The following TTC34 variants were observed in gnomAD, a reference collection of about 807,000 sequenced individuals.
The protein encoded by TTC34 is tetratricopeptide repeat domain 34.
TTC34 carries 44 observed loss-of-function variants against 40.7 expected under a neutral mutation model. The ratio of observed to expected loss-of-function variants is 1.08; its 90% CI spans 0.85 to 1.39. The LOEUF is 1.39. Ranked by LOEUF, TTC34 falls within the 40% of genes most tolerant of loss-of-function variation. TTC34 has a pLI of 0.00. For synonymous variants in TTC34, 422 were observed against 398.6 expected, an observed-to-expected ratio of 1.06 and a Z score of -0.70; for missense variants, 884 against 838.0, an observed-to-expected ratio of 1.05 and a Z score of -0.68.
intron 6 of TTC34, among the ~76,000 whole-genome samples, chr1:2,677,767 C>T (rs1433136238): frequency 3.0e-4 from 40 of 134,522 alleles, no homozygotes; most frequent in Middle Eastern, 4.4e-3. Flanking sequence ...GAACAGCACC[C>T]ACACCCCCAG....
chr1:2,695,062 C>CACCACACACACCCCCAGGCG (rs1640798825), intron 6 of TTC34, among the ~76,000 whole-genome samples: 2 of 129,278 alleles, frequency 1.5e-5, no homozygotes, highest in African/African-American at 2.6e-5. Context: ...CACACTGAAA[C>CACCACACACACCCCCAGGCG]AGCACACACA....
intron 6 of TTC34, among the ~76,000 whole-genome samples, chr1:2,648,743 G>A (rs1007045069): frequency 5.6e-5 from 7 of 125,328 alleles, no homozygotes; most frequent in African/African-American, 1.2e-4. Flanking sequence ...GAACAGCACC[G>A]CACACTCCCA....
chr1:2,637,127 G>C (rs934553751), exon 9 of TTC34: 10 of 152,096 alleles, frequency 6.6e-5, no homozygotes, highest in Admixed American at 5.9e-4. Flanking sequence ...GCTCAGAATG[G>C]GGGAGTGCAT....
intron 6 of TTC34, among the ~76,000 whole-genome samples, chr1:2,671,801 G>T (rs1468816657): frequency 6.6e-5 from 10 of 151,580 alleles, no homozygotes; most frequent in Middle Eastern, 7.0e-3. Flanking sequence ...ACCGAGGTGA[G>T]CATCTGACCT....
intron 6 of TTC34, among the ~76,000 whole-genome samples, chr1:2,683,774 G>C (rs1359013161): frequency 6.7e-6 from 1 of 148,930 alleles, no homozygotes; most frequent in African/African-American, 2.5e-5. Flanking sequence ...GCATCTGACA[G>C]GCTGGAGCAG....
At chr1:2,683,161 G>A (rs1170016961) in intron 6 of TTC34, among the ~76,000 whole-genome samples, 10 of 134,618 alleles carry the variant, frequency 7.4e-5, no homozygotes, top group African/African-American at 2.6e-4. Flanking sequence ...CCCCAGGAGA[G>A]CATCCGGCAG....
At position 2,760,287 on chromosome 1, in the gene TTC34, G is replaced by C. The variant is rs1302689233; in HGVS notation, c.2226+23322C>G. On this transcript the variant is annotated intron_variant, in intron 6 of 8. Transcript: ENST00000401095. ...GCATGGAGCAGCAGCCACAACTCCAGGCGAGCATCTGACAGCCTGGAACAG... is the reference window on the plus strand; with the variant it reads ...GCATGGAGCAGCAGCCACAACTCCACGCGAGCATCTGACAGCCTGGAACAG... 3.1e-5 allele frequency among the ~76,000 whole-genome samples: 2 copies of C among 63,730 alleles called. 1 individual carries two copies. Among genetic ancestry groups the C allele is most frequent in the Non-Finnish European group, 5.3e-5 (2 of 37,834 alleles). The allele number at this position is 63,730 out of a possible 152,430, so 41.8% of individuals were successfully genotyped here.
chr1:2,749,058 G>A (rs1641234713), intron 6 of TTC34, among the ~76,000 whole-genome samples: 6 of 140,434 alleles, frequency 4.3e-5, no homozygotes, highest in African/African-American at 1.1e-4. Context: ...GTGAGAATCC[G>A]ACAGCCTGGA....
At chr1:2,641,515 G>T (rs748073438) in exon 9 of TTC34, 37 of 1,535,352 alleles carry the variant, frequency 2.4e-5, no homozygotes, top group African/African-American at 5.5e-5. Flanking sequence ...AGCACTGCCC[G>T]CGGAGAAGGA....
intron 6 of TTC34, among the ~76,000 whole-genome samples, chr1:2,688,188 GCC>G (rs1640456042): frequency 7.2e-6 from 1 of 137,946 alleles, no homozygotes; most frequent in African/African-American, 2.9e-5. Context: ...GCATCGGACA[GCC>G]TGGAGCAGCA....
chr1:2,653,636 A>G (rs1411785404), intron 6 of TTC34, among the ~76,000 whole-genome samples: 2 of 134,958 alleles, frequency 1.5e-5, no homozygotes, highest in African/African-American at 5.7e-5. Context: ...GACAGCCTGG[A>G]GCAGCATCCA....
intron 6 of TTC34, among the ~76,000 whole-genome samples, chr1:2,755,758 C>T (rs1228086334): frequency 7.9e-6 from 1 of 126,630 alleles, no homozygotes; most frequent in Non-Finnish European, 1.6e-5. Context: ...AGGCGAGCAT[C>T]TGACAGCCTG....
chr1:2,698,345 GT>G (rs1640964310), intron 6 of TTC34, among the ~76,000 whole-genome samples: 2 of 31,468 alleles, frequency 6.4e-5, no homozygotes, highest in Non-Finnish European at 1.7e-4. Flanking sequence ...AGCATCTGAC[GT>G]CCTGGAACAG....
intron 7 of TTC34, 58 bp from the exon 8 acceptor site, chr1:2,644,536 G>C: frequency 2.7e-6 from 4 of 1,459,530 alleles, no homozygotes; most frequent in Non-Finnish European, 3.7e-6. Flanking sequence ...GTGCGAGAGA[G>C]CTGAGACTCG....
chr1:2,698,773 G>C (rs368957369), intron 6 of TTC34, among the ~76,000 whole-genome samples: 3 of 147,316 alleles, frequency 2.0e-5, no homozygotes, highest in Admixed American at 6.8e-5. Flanking sequence ...CACACCCCCA[G>C]GTGAACATCC....
chr1:2,793,957 T>G (rs1569974541), intron 2 of TTC34, among the ~76,000 whole-genome samples: 1 of 99,228 alleles, frequency 1.0e-5, no homozygotes, highest in South Asian at 3.6e-4. Flanking sequence ...CTCCTCGCCC[T>G]CCTTCTTCTT....
chr1:2,756,626 C>T (rs1641514428), intron 6 of TTC34, among the ~76,000 whole-genome samples: 102 of 136,830 alleles, frequency 7.5e-4, no homozygotes, highest in South Asian at 1.7e-3. Context: ...AGCACCCACA[C>T]CCCCAGGTGA....
chr1:2,750,938 C>T (rs1448225672), intron 6 of TTC34, among the ~76,000 whole-genome samples: 3 of 113,264 alleles, frequency 2.6e-5, no homozygotes, highest in Non-Finnish European at 5.2e-5. Flanking sequence ...TTCAGGCGAG[C>T]ATCGGACAGC....
At chr1:2,683,468 CACACCACCAGGCGAGCATCT>C (rs1640173021) in intron 6 of TTC34, among the ~76,000 whole-genome samples, 1 of 151,650 alleles carries the variant, frequency 6.6e-6, no homozygotes, top group Admixed American at 6.6e-5. Flanking sequence ...GAGCAGCACC[CACACCACCAGGCGAGCATCT>C]GACAGCCTGG....
Sources: allele counts gnomAD v4.1 joint callset (sites outside exome capture counted in the v4.1 genomes callset), GRCh38; gene constraint gnomAD v4.1.1; transcripts MANE v1.5; gene names NCBI Gene and HGNC (gene_info 2026-07-23, HGNC 2026-07-21).